The following POLA1 variants were observed in gnomAD, a reference collection of about 807,000 sequenced individuals.
POLA1 encodes the protein DNA polymerase alpha 1, catalytic subunit.
POLA1 carries 15 observed loss-of-function variants against 124.0 expected under a neutral mutation model. The observed-to-expected ratio is 0.12, with a 90% CI of 0.08 to 0.19. POLA1 has a LOEUF of 0.19. POLA1 is among the 10% of genes least tolerant of loss of function. The pLI, the probability that POLA1 is intolerant of heterozygous loss-of-function variation, is 1.00. For synonymous variants in POLA1, 408 were observed against 389.4 expected, an observed-to-expected ratio of 1.05 and a Z score of -0.56; for missense variants, 886 against 1,103.4, an observed-to-expected ratio of 0.80 and a Z score of 2.79.
chrX:24,781,430 C>T (rs947125050), intron 26 of POLA1, among the ~76,000 whole-genome samples: 1 of 111,817 alleles, frequency 8.9e-6, no homozygotes, highest in African/African-American at 3.3e-5. Flanking sequence ...CTAGCAAAGC[C>T]AGACATGCTT....
intron 10 of POLA1, among the ~76,000 whole-genome samples, chrX:24,722,903 T>C (rs894340392): frequency 2.7e-5 from 3 of 112,237 alleles, no homozygotes; most frequent in Non-Finnish European, 5.6e-5. Flanking sequence ...AAAGTGTTTA[T>C]GCAAGTTAGA....
At chrX:24,779,446 A>G (rs928018823) in intron 26 of POLA1, among the ~76,000 whole-genome samples, 6 of 112,002 alleles carry the variant, frequency 5.4e-5, no homozygotes, top group African/African-American at 1.6e-4. Flanking sequence ...ACCTCAGACA[A>G]TCATTTAGCA....
intron 36 of POLA1, among the ~76,000 whole-genome samples, chrX:24,968,756 A>G (rs1332634423): frequency 9.2e-6 from 1 of 108,893 alleles, no homozygotes; most frequent in East Asian, 2.9e-4. Flanking sequence ...TTTTTGTGTG[A>G]GATTGCATTT....
At chrX:24,846,140 A>G (rs778077228) in intron 34 of POLA1, among the ~76,000 whole-genome samples, 2 of 112,305 alleles carry the variant, frequency 1.8e-5, no homozygotes, top group East Asian at 5.6e-4. Flanking sequence ...CTGACTAAAT[A>G]TGATATAACA....
rs766223539 is a variant in POLA1 at position 24,717,773 on chromosome X, G to A, written c.1087+15G>A. 8 of 1,093,785 alleles carry A rather than the reference G, an allele frequency of 7.3e-6. No homozygotes were observed. The highest frequency in any genetic ancestry group is 1.0e-5 in the Non-Finnish European group (8 of 803,549). The allele number at this position is 1,093,785 out of a possible 1,213,427, so 90.1% of individuals were successfully genotyped here. ...CAACCAACCAGGTAATCATATATAA[G>A]GTAACTATATGCCTTTAACTCAGAG... is the stretch of plus-strand genomic sequence containing the variant. On this transcript the variant is annotated intron_variant, in intron 10 of 36. Transcript: ENST00000379068.
At chrX:24,983,343 G>A (rs1195807889) in intron 36 of POLA1, among the ~76,000 whole-genome samples, 1 of 112,504 alleles carries the variant, frequency 8.9e-6, no homozygotes, top group Non-Finnish European at 1.9e-5. Flanking sequence ...ATGCCAAACT[G>A]TGCTCCTGAA....
chrX:24,915,321 A>G (rs980485602), intron 35 of POLA1, among the ~76,000 whole-genome samples: 1 of 111,908 alleles, frequency 8.9e-6, no homozygotes, highest in African/African-American at 3.2e-5. Flanking sequence ...TGATCTACCA[A>G]TTTGCTCTTT....
chrX:24,842,177 T>TTAG (rs2046419036), intron 33 of POLA1, among the ~76,000 whole-genome samples: 1 of 112,023 alleles, frequency 8.9e-6, no homozygotes, highest in African/African-American at 3.2e-5. Context: ...CTATTAAGAC[T>TTAG]TAGACCAATA....
rs1326989826 is a variant in POLA1 at position 24,742,091 on chromosome X, G to A, written c.2436G>A (p.Lys812=). The change falls in exon 22 of 37, where the codon AAG becomes AAA. Residue 812 remains lysine, a synonymous_variant. Coordinates refer to ENST00000379068, the MANE Select transcript of POLA1 (RefSeq NM_001330360.2). ...AAAACAACTATATTGTGCCTGACAA[G>A]CAGATTTTCAGAAAGCCTCAGCAAA... The part of the protein sequence containing the change: ...FYENNYIVPD[K]QIFRKPQQKL... 3.3e-5 allele frequency: 40 copies of A among 1,199,481 alleles called. No homozygotes were observed. Among genetic ancestry groups the A allele is most frequent in the Non-Finnish European group, 4.2e-5 (37 of 889,387 alleles).
At position 24,757,436 on chromosome X, in the gene POLA1, C is replaced by CTTTTTTTTTTTTTT. The variant is rs66782103; in HGVS notation, c.2964+8452_2964+8465dup. On this transcript the variant is annotated intron_variant, in intron 26 of 36. Coordinates refer to ENST00000379068, the MANE Select transcript of POLA1 (RefSeq NM_001330360.2). Reference sequence around the variant, plus strand: ...ATCTGAAATGCTCCAAAATCTGAAACTTTTTTTTTTTTTTTTTTTTTGAGA... The same window carrying CTTTTTTTTTTTTTT: ...ATCTGAAATGCTCCAAAATCTGAAACTTTTTTTTTTTTTTTTTTTTTTTTTTTTTTTTTTTGAGA... Among the ~76,000 whole-genome samples the CTTTTTTTTTTTTTT allele has an allele frequency of 1.3e-3, 80 of 62,132 alleles. 9 individuals carry two copies. The highest frequency in any genetic ancestry group is 5.1e-3 in the African/African-American group (62 of 12,218). The allele number at this position is 62,132 out of a possible 115,157, so 54.0% of individuals were successfully genotyped here.
chrX:24,947,691 A>G (rs2047984591), intron 36 of POLA1, among the ~76,000 whole-genome samples: 1 of 112,128 alleles, frequency 8.9e-6, no homozygotes, highest in East Asian at 2.8e-4. Flanking sequence ...GCTCTCGTGA[A>G]GGTGGGAAGG....
rs184507982 is a variant in POLA1 at position 24,820,710 on chromosome X, A to T, written c.3430-742A>T. Among the ~76,000 whole-genome samples the T allele has an allele frequency of 3.6e-3, 380 of 106,954 alleles. 3 individuals carry two copies. The highest frequency in any genetic ancestry group is 0.012 in the African/African-American group (348 of 29,395). The allele number at this position is 106,954 out of a possible 115,157, so 92.9% of individuals were successfully genotyped here. ...TTATGGCACATATAGCTTATTTTAG[A>T]GGTTTTTTTTTTTTTTGGAGGGGAG... On this transcript the variant is annotated intron_variant, in intron 30 of 36. Coordinates refer to ENST00000379068, the MANE Select transcript of POLA1 (RefSeq NM_001330360.2).
intron 34 of POLA1, among the ~76,000 whole-genome samples, chrX:24,872,836 ATGT>A (rs2046883964): frequency 8.9e-6 from 1 of 111,957 alleles, no homozygotes; most frequent in Non-Finnish European, 1.9e-5. Flanking sequence ...TATAAAAGTA[ATGT>A]TGTTAATAAT....
intron 36 of POLA1, among the ~76,000 whole-genome samples, chrX:24,932,032 G>A (rs748656153): frequency 1.2e-4 from 14 of 112,058 alleles, no homozygotes; most frequent in Non-Finnish European, 2.6e-4. Context: ...CCAAGTAGCT[G>A]GGATTATAGG....
At position 24,834,509 on chromosome X, in the gene POLA1, C is replaced by T. The variant is rs977319325; in HGVS notation, c.3737-7143C>T. ...TTGTTGGGCTGGGCATGGTGGCTCA[C>T]GCCTGTAATCCTAGCACTATGGGAG... On this transcript the variant is annotated intron_variant, in intron 32 of 36. Coordinates refer to ENST00000379068, the MANE Select transcript of POLA1 (RefSeq NM_001330360.2). Among the ~76,000 whole-genome samples, 4 of 112,231 alleles carry T rather than the reference C, an allele frequency of 3.6e-5. No homozygotes were observed. The East Asian group carries it at 1.1e-3, about 31-fold the overall frequency.
At chrX:24,889,183 T>G (rs1446725238) in intron 35 of POLA1, among the ~76,000 whole-genome samples, 1 of 111,491 alleles carries the variant, frequency 9.0e-6, no homozygotes, top group East Asian at 2.8e-4. Context: ...CAAGCCATTT[T>G]TCTACCTTAA....
chrX:24,935,177 C>T (rs1326209837), intron 36 of POLA1, among the ~76,000 whole-genome samples: 1 of 112,107 alleles, frequency 8.9e-6, no homozygotes, highest in African/African-American at 3.2e-5. Context: ...ACAGTCCATT[C>T]TAATACAGTC....
chrX:24,879,476 T>A (rs1385137371), intron 34 of POLA1, among the ~76,000 whole-genome samples: 1 of 112,460 alleles, frequency 8.9e-6, no homozygotes, highest in Non-Finnish European at 1.9e-5. Context: ...TTTCGGTTTC[T>A]CATATAAAAT....
chrX:24,754,149 T>G (rs1290044718), intron 26 of POLA1, among the ~76,000 whole-genome samples: 1 of 111,674 alleles, frequency 9.0e-6, no homozygotes, highest in Non-Finnish European at 1.9e-5. Flanking sequence ...AGAGAATGAG[T>G]GACTATGAAG....
Sources: allele counts gnomAD v4.1 joint callset (sites outside exome capture counted in the v4.1 genomes callset), GRCh38; gene constraint gnomAD v4.1.1; transcripts MANE v1.5; gene names NCBI Gene and HGNC (gene_info 2026-07-23, HGNC 2026-07-21).